The following DCLK1 variants were observed in gnomAD, a reference collection of about 807,000 sequenced individuals.
DCLK1 encodes the protein doublecortin like kinase 1.
Under a neutral mutation model 86.2 loss-of-function variants are expected in DCLK1, and 16 were observed. That is an observed-to-expected ratio of 0.19 (90% CI 0.13 to 0.28). DCLK1 has a LOEUF of 0.28. Among genes scored for constraint, DCLK1 ranks in the 10% least tolerant of loss-of-function variants. The pLI, the probability that DCLK1 is intolerant of heterozygous loss-of-function variation, is 1.00. For missense variants in DCLK1, 590 were observed against 940.2 expected (o/e 0.63, Z 4.87); for synonymous variants, 369 against 370.5 (o/e 1.00, Z 0.05).
At chr13:36,070,638 A>T (rs1413324724) in intron 3 of DCLK1, among the ~76,000 whole-genome samples, 1 of 106,088 alleles carries the variant, frequency 9.4e-6, no homozygotes, top group Non-Finnish European at 1.8e-5. Context: ...TTATTTTTTT[A>T]ACTTAATTTT....
chr13:35,878,350 A>C lies in DCLK1; in HGVS notation c.824-7010T>G, dbSNP rs375659122. On this transcript the variant is annotated intron_variant, in intron 4 of 16. Transcript: ENST00000360631. ...AACTGAGGCCCATCTGGTTTCTTCTACTCCACCCGTTTTCTGAGTGAACCC... is the reference window on the plus strand; with the variant it reads ...AACTGAGGCCCATCTGGTTTCTTCTCCTCCACCCGTTTTCTGAGTGAACCC... Among the ~76,000 whole-genome samples, 6 of 151,882 alleles carry C rather than the reference A, an allele frequency of 4.0e-5. No homozygotes were observed. In the East Asian group the frequency reaches 5.8e-4, roughly 15 times the overall value.
At chr13:36,068,129 G>A (rs908846540) in intron 3 of DCLK1, among the ~76,000 whole-genome samples, 3 of 152,154 alleles carry the variant, frequency 2.0e-5, no homozygotes, top group Admixed American at 2.0e-4. Context: ...TTTATATTGT[G>A]ATTCCTGAAA....
chr13:35,879,211 A>C (rs2153116170), intron 4 of DCLK1, among the ~76,000 whole-genome samples: 1 of 152,346 alleles, frequency 6.6e-6, no homozygotes, highest in South Asian at 2.1e-4. Flanking sequence ...AGATTTTAAA[A>C]GTACCTTCTA....
chr13:35,863,816 T>C (rs1566574652), intron 5 of DCLK1, among the ~76,000 whole-genome samples: 1 of 152,226 alleles, frequency 6.6e-6, no homozygotes, highest in Non-Finnish European at 1.5e-5. Context: ...TGATTAGAAT[T>C]CTCTTCACTT....
At chr13:36,050,802 C>T (rs1329539280) in intron 3 of DCLK1, among the ~76,000 whole-genome samples, 5 of 152,092 alleles carry the variant, frequency 3.3e-5, no homozygotes, top group Admixed American at 6.6e-5. Flanking sequence ...TGAGTGTGAG[C>T]GTCTTCTCCA....
At chr13:35,879,416 C>A (rs550275450) in intron 4 of DCLK1, among the ~76,000 whole-genome samples, 1 of 152,326 alleles carries the variant, frequency 6.6e-6, no homozygotes, top group Admixed American at 6.5e-5. Context: ...GTATTAACAT[C>A]TCAAGAGTCA....
intron 2 of DCLK1, among the ~76,000 whole-genome samples, chr13:36,123,923 C>G (rs1367865605): frequency 6.6e-6 from 1 of 152,188 alleles, no homozygotes; most frequent in Non-Finnish European, 1.5e-5. Context: ...CTGTCATCTA[C>G]CACCTCCCAG....
intron 4 of DCLK1, among the ~76,000 whole-genome samples, chr13:35,886,286 T>C (rs906892719): frequency 6.6e-6 from 1 of 152,104 alleles, no homozygotes; most frequent in Non-Finnish European, 1.5e-5. Flanking sequence ...GCTGGGATTA[T>C]AAGAGTAAGA....
At chr13:35,839,698 G>A (rs896135261) in intron 6 of DCLK1, among the ~76,000 whole-genome samples, 4 of 152,154 alleles carry the variant, frequency 2.6e-5, no homozygotes, top group African/African-American at 9.7e-5. Flanking sequence ...TCCATCTTGA[G>A]ATCAAAACAT....
chr13:36,056,662 A>C (rs1042473222), intron 3 of DCLK1, among the ~76,000 whole-genome samples: 1 of 150,938 alleles, frequency 6.6e-6, no homozygotes, highest in African/African-American at 2.4e-5. Context: ...GCACACAAAA[A>C]AAAAAATTAA....
chr13:35,833,153 G>A (rs973911460), intron 8 of DCLK1, among the ~76,000 whole-genome samples: 5 of 151,958 alleles, frequency 3.3e-5, no homozygotes, highest in African/African-American at 7.3e-5. Flanking sequence ...AGAAGCATCC[G>A]CAGCAAGGAT....
At position 35,999,053 on chromosome 13, in the gene DCLK1, G is replaced by A. The variant is rs191335445; in HGVS notation, c.724-51596C>T. On this transcript the variant is annotated intron_variant, in intron 3 of 16. Coordinates refer to ENST00000360631, the MANE Select transcript of DCLK1 (RefSeq NM_001330071.2). ...GCAGATCACCTGAAGTCAGGAGTTC[G>A]AGACCAGCCTGGCCGACACGGTGAA... Among the ~76,000 whole-genome samples the A allele has an allele frequency of 2.2e-4, 34 of 152,182 alleles. No homozygotes were observed. In the East Asian group the frequency reaches 6.4e-3, roughly 29 times the overall value.
chr13:35,835,298 C>G (rs1479385926), intron 8 of DCLK1, among the ~76,000 whole-genome samples: 5 of 152,070 alleles, frequency 3.3e-5, no homozygotes, highest in African/African-American at 1.2e-4. Flanking sequence ...GAGGCAAGTT[C>G]CCCCAACTTT....
chr13:35,873,835 T>C (rs1054581949), intron 4 of DCLK1, among the ~76,000 whole-genome samples: 1 of 152,186 alleles, frequency 6.6e-6, no homozygotes, highest in Non-Finnish European at 1.5e-5. Flanking sequence ...GCCAGTAAAG[T>C]TGTACATTTT....
intron 4 of DCLK1, among the ~76,000 whole-genome samples, chr13:35,937,431 G>A (rs1876825714): frequency 6.6e-6 from 1 of 152,118 alleles, no homozygotes; most frequent in Non-Finnish European, 1.5e-5. Flanking sequence ...AAACAGCGGG[G>A]AGGAGGGAGT....
chr13:35,832,449 C>T (rs1002054257), intron 8 of DCLK1, among the ~76,000 whole-genome samples: 1 of 152,068 alleles, frequency 6.6e-6, no homozygotes, highest in African/African-American at 2.4e-5. Context: ...CATTCCTCTC[C>T]CATAGCATTC....
intron 3 of DCLK1, among the ~76,000 whole-genome samples, chr13:36,032,522 C>T (rs1373793740): frequency 2.0e-5 from 3 of 152,160 alleles, no homozygotes; most frequent in African/African-American, 4.8e-5. Flanking sequence ...CCATGCCATT[C>T]GGTTTGGCTC....
At chr13:35,861,724 C>T (rs1204178811) in intron 5 of DCLK1, among the ~76,000 whole-genome samples, 1 of 152,086 alleles carries the variant, frequency 6.6e-6, no homozygotes, top group African/African-American at 2.4e-5. Flanking sequence ...CTGCTGATTG[C>T]TCTTAGAAAT....
In DCLK1 at chr13:36,013,175, G is replaced by A. The variant is rs1881360337; in HGVS notation, c.724-65718C>T. ...CAACTTCTTTGCCTTTGGTTTGAAT[G>A]TCCTCCCGTAGCTCAGAGTAATTTG... On this transcript the variant is annotated intron_variant, in intron 3 of 16. Coordinates refer to ENST00000360631, the MANE Select transcript of DCLK1 (RefSeq NM_001330071.2). Among the ~76,000 whole-genome samples, 9 of 149,548 alleles carry A rather than the reference G, an allele frequency of 6.0e-5. No individual in the cohort carries two copies. The South Asian group carries it at 1.7e-3, about 29-fold the overall frequency.
Sources: allele counts gnomAD v4.1 joint callset (sites outside exome capture counted in the v4.1 genomes callset), GRCh38; gene constraint gnomAD v4.1.1; transcripts MANE v1.5; gene names NCBI Gene and HGNC (gene_info 2026-07-23, HGNC 2026-07-21).